ZNRF3: variants seen among roughly 807,000 people sequenced by gnomAD.
ZNRF3 encodes the protein E3 ubiquitin-protein ligase ZNRF3.
A neutral mutation model predicts 72.5 loss-of-function variants in ZNRF3; 23 were observed. The ratio of observed to expected loss-of-function variants is 0.32; its 90% CI spans 0.23 to 0.45. The LOEUF (loss-of-function observed/expected upper bound fraction) is 0.45, where lower values mean the gene tolerates loss of function less well. Among genes scored for constraint, ZNRF3 ranks in the 20% least tolerant of loss-of-function variants. The pLI, the probability that ZNRF3 is intolerant of heterozygous loss-of-function variation, is 1.00. For missense variants in ZNRF3, 1,169 were observed against 1,272.1 expected, an observed-to-expected ratio of 0.92 and a Z score of 1.23; for synonymous variants, 610 against 545.3, an observed-to-expected ratio of 1.12 and a Z score of -1.65.
At chr22:28,913,246 A>G (rs2034350862) in intron 1 of ZNRF3, among the ~76,000 whole-genome samples, 1 of 152,248 alleles carries the variant, frequency 6.6e-6, no homozygotes, top group Non-Finnish European at 1.5e-5. Context: ...TTTGAGAAAT[A>G]CTGTTGATCC....
chr22:28,907,996 A>G (rs115775401), intron 1 of ZNRF3, among the ~76,000 whole-genome samples: 335 of 152,362 alleles, frequency 2.2e-3, no homozygotes, highest in African/African-American at 7.4e-3. Context: ...TGAAGCTAAC[A>G]TGATGCTCTA....
At chr22:29,016,662 G>C (rs964680605) in intron 2 of ZNRF3, among the ~76,000 whole-genome samples, 1 of 152,194 alleles carries the variant, frequency 6.6e-6, no homozygotes, top group Non-Finnish European at 1.5e-5. Context: ...GATTAACCAG[G>C]GAGTTTCAAA....
At chr22:29,006,345 C>T (rs2036246019) in intron 2 of ZNRF3, among the ~76,000 whole-genome samples, 1 of 151,348 alleles carries the variant, frequency 6.6e-6, no homozygotes, top group Admixed American at 6.6e-5. Context: ...TCCTGAGTAG[C>T]TGGACTTACA....
chr22:28,978,207 G>A (rs2035707569), intron 1 of ZNRF3, among the ~76,000 whole-genome samples: 1 of 152,230 alleles, frequency 6.6e-6, no homozygotes, highest in Non-Finnish European at 1.5e-5. Flanking sequence ...AATGCAAGTG[G>A]AATGTTGAGT....
At chr22:28,981,411 G>A (rs534792284) in intron 1 of ZNRF3, among the ~76,000 whole-genome samples, 11 of 152,154 alleles carry the variant, frequency 7.2e-5, no homozygotes, top group Admixed American at 4.6e-4. Context: ...GGCTGGTCTC[G>A]AACTCCTGGG....
chr22:28,965,182 A>G (rs1014320395), intron 1 of ZNRF3, among the ~76,000 whole-genome samples: 1 of 152,214 alleles, frequency 6.6e-6, no homozygotes. Flanking sequence ...TCTTTGTTGC[A>G]TCAGCCACAC....
intron 1 of ZNRF3, among the ~76,000 whole-genome samples, chr22:28,957,544 A>G (rs1230119560): frequency 1.3e-5 from 2 of 152,046 alleles, no homozygotes; most frequent in African/African-American, 2.4e-5. Context: ...GGTTCAAGCA[A>G]TTCTCCTGCC....
At chr22:28,884,340 C>G (rs1164212197) in intron 1 of ZNRF3, among the ~76,000 whole-genome samples, 1 of 152,200 alleles carries the variant, frequency 6.6e-6, no homozygotes, top group Non-Finnish European at 1.5e-5. Context: ...TGGGGCAGCC[C>G]CCTTGGCCGG....
At chr22:28,964,780 G>A (rs183154094) in intron 1 of ZNRF3, among the ~76,000 whole-genome samples, 53 of 152,362 alleles carry the variant, frequency 3.5e-4, no homozygotes, top group African/African-American at 1.1e-3. Context: ...AGGGCATCCC[G>A]CAGCTCACGC....
intron 1 of ZNRF3, among the ~76,000 whole-genome samples, chr22:28,920,546 C>T (rs2034494938): frequency 6.6e-6 from 1 of 152,224 alleles, no homozygotes; most frequent in South Asian, 2.1e-4. Flanking sequence ...ACTGGGATTA[C>T]AGGCGTGAGC....
At chr22:29,017,870 T>C in intron 2 of ZNRF3, 1 of 419,028 alleles carries the variant, frequency 2.4e-6, no homozygotes, top group Non-Finnish European at 4.8e-6. Flanking sequence ...CTAGAAAAAT[T>C]GGGCAAGATT....
intron 3 of ZNRF3, 66 bp downstream of exon 3, chr22:29,042,635 G>A (rs1375868963): frequency 1.4e-6 from 2 of 1,419,946 alleles, no homozygotes; most frequent in Non-Finnish European, 2.0e-6. Context: ...TAGTGAGCTT[G>A]GCTTGTCCCG....
intron 1 of ZNRF3, among the ~76,000 whole-genome samples, chr22:28,932,654 T>C (rs899302325): frequency 1.3e-5 from 2 of 152,190 alleles, no homozygotes; most frequent in African/African-American, 4.8e-5. Flanking sequence ...AAAGTGGGCT[T>C]CTGCAACTGG....
chr22:29,052,395 TA>T (rs367856439), intron 8 of ZNRF3, among the ~76,000 whole-genome samples: 26 of 152,162 alleles, frequency 1.7e-4, no homozygotes, highest in African/African-American at 5.8e-4. Flanking sequence ...CCATTACCTT[TA>T]AAATCTTAAA....
chr22:28,899,579 A>G (rs1056653596), intron 1 of ZNRF3, among the ~76,000 whole-genome samples: 7 of 152,216 alleles, frequency 4.6e-5, no homozygotes, highest in Admixed American at 1.3e-4. Flanking sequence ...GAATATTCCA[A>G]GTAAACTTAT....
chr22:28,968,438 G>T (rs1336279136), intron 1 of ZNRF3, among the ~76,000 whole-genome samples: 2 of 152,110 alleles, frequency 1.3e-5, no homozygotes, highest in Non-Finnish European at 2.9e-5. Flanking sequence ...GGCTGAGTAT[G>T]GTGGCTCAAA....
At chr22:28,933,370 G>C (rs984377878) in intron 1 of ZNRF3, among the ~76,000 whole-genome samples, 3 of 152,166 alleles carry the variant, frequency 2.0e-5, no homozygotes, top group African/African-American at 4.8e-5. Flanking sequence ...GCATTCCTGA[G>C]CCTGAATGAA....
intron 1 of ZNRF3, among the ~76,000 whole-genome samples, chr22:28,958,353 T>A (rs2035296878): frequency 6.6e-6 from 1 of 152,228 alleles, no homozygotes; most frequent in African/African-American, 2.4e-5. Flanking sequence ...GATCAGTAGA[T>A]TTGGAGATGG....
chr22:28,931,632 C>T (rs553729277), intron 1 of ZNRF3, among the ~76,000 whole-genome samples: 1 of 152,300 alleles, frequency 6.6e-6, no homozygotes, highest in Admixed American at 6.5e-5. Flanking sequence ...CATCTGTCCA[C>T]CCATCTGTCC....
Sources: gnomAD v4.1 joint callset for allele counts (sites outside exome capture counted in the v4.1 genomes callset) on GRCh38, gnomAD v4.1.1 for gene constraint, MANE v1.5 for transcripts, NCBI Gene and HGNC (gene_info 2026-07-23, HGNC 2026-07-21) for gene names.